KIAA1217: variants seen among roughly 807,000 people sequenced by gnomAD.
KIAA1217 encodes KIAA1217, also known as sickle tail protein homolog.
A neutral mutation model predicts 163.9 loss-of-function variants in KIAA1217; 88 were observed. The observed-to-expected ratio is 0.54, with a 90% CI of 0.45 to 0.64. The LOEUF (loss-of-function observed/expected upper bound fraction) is 0.64, where lower values mean the gene tolerates loss of function less well. Among genes scored for constraint, KIAA1217 ranks in the 30% least tolerant of loss-of-function variants. The pLI is 0.00. For synonymous variants in KIAA1217, 903 were observed against 923.1 expected, an observed-to-expected ratio of 0.98 and a Z score of 0.39; for missense variants, 2,372 against 2,475.0, an observed-to-expected ratio of 0.96 and a Z score of 0.88.
rs4402187 is a variant in KIAA1217, at chr10:24,501,563, C to A, written c.2001+18C>A. 4.4e-5 allele frequency: 71 copies of A among 1,604,018 alleles called. No homozygotes were observed. The highest frequency in any genetic ancestry group is 6.0e-5 in the Non-Finnish European group (70 of 1,175,426). ...AGCTCCAGGTATTCCTCATGCACGG[C>A]GGCCTCTGTCTCGGTTGCCCTGAGC... is the stretch of plus-strand genomic sequence containing the variant. On this transcript the variant is annotated intron_variant, in intron 9 of 20. Transcript: ENST00000376454.
chr10:24,499,309 A>G (rs1445937363), intron 8 of KIAA1217, among the ~76,000 whole-genome samples: 1 of 152,246 alleles, frequency 6.6e-6, no homozygotes, highest in Non-Finnish European at 1.5e-5. Flanking sequence ...TAGTTGGAGA[A>G]TATCCTTTTG....
chr10:23,894,981 A>T (rs140459811), intron 1 of KIAA1217, among the ~76,000 whole-genome samples: 6,132 of 152,294 alleles, frequency 0.04, 178 homozygotes, highest in Non-Finnish European at 0.062. Flanking sequence ...ACCTGATACA[A>T]AAATTAATTC....
chr10:23,708,661 C>T lies in KIAA1217; in HGVS notation c.-321+13427C>T, dbSNP rs1351378675. On this transcript the variant is annotated intron_variant, in intron 1 of 18. Transcript: ENST00000376462. The stretch of plus-strand genomic sequence containing the variant: ...CTGTGGTTGGAACAAGGTGAGTGAA[C>T]AGAAGATGGTGAGAAATGCAGTGGA... 2.6e-5 allele frequency among the ~76,000 whole-genome samples: 4 copies of T among 152,266 alleles called. No homozygotes were observed. In the East Asian group the frequency reaches 7.7e-4, roughly 29 times the overall value.
intron 2 of KIAA1217, among the ~76,000 whole-genome samples, chr10:24,151,869 A>G (rs989804340): frequency 6.6e-6 from 1 of 152,160 alleles, no homozygotes; most frequent in African/African-American, 2.4e-5. Flanking sequence ...AAGATCACAC[A>G]GCTGGTTAGT....
intron 1 of KIAA1217, among the ~76,000 whole-genome samples, chr10:23,989,618 A>C (rs1245193787): frequency 6.6e-6 from 1 of 152,186 alleles, no homozygotes; most frequent in Non-Finnish European, 1.5e-5. Context: ...CTTCGGATTA[A>C]AATACTCGAT....
intron 2 of KIAA1217, among the ~76,000 whole-genome samples, chr10:24,047,134 T>C (rs1405893104): frequency 1.3e-5 from 2 of 152,206 alleles, no homozygotes; most frequent in Non-Finnish European, 2.9e-5. Flanking sequence ...AATATTGAAA[T>C]AAATTAAAGG....
At chr10:24,185,444 G>A (rs987674339) in intron 2 of KIAA1217, among the ~76,000 whole-genome samples, 4 of 152,128 alleles carry the variant, frequency 2.6e-5, no homozygotes, top group Admixed American at 1.3e-4. Flanking sequence ...CCATACCCAT[G>A]ATTTTAAAAA....
intron 2 of KIAA1217, chr10:24,157,994 G>A (rs2064954916): frequency 1.3e-6 from 1 of 762,928 alleles, no homozygotes; most frequent in Non-Finnish European, 2.4e-6. Flanking sequence ...ATCAATTAGT[G>A]GCCCTTCAGT....
At chr10:24,525,159 G>A (rs2071935533) in intron 13 of KIAA1217, among the ~76,000 whole-genome samples, 1 of 152,168 alleles carries the variant, frequency 6.6e-6, no homozygotes, top group Non-Finnish European at 1.5e-5. Flanking sequence ...TCGCAACCAT[G>A]GCTGATTTCA....
intron 1 of KIAA1217, among the ~76,000 whole-genome samples, chr10:23,712,744 C>T (rs1837339603): frequency 6.6e-6 from 1 of 152,122 alleles, no homozygotes; most frequent in East Asian, 1.9e-4. Flanking sequence ...CTTTTTAATA[C>T]AGGATAAAGT....
chr10:24,434,533 C>T (rs940041264), intron 4 of KIAA1217, among the ~76,000 whole-genome samples: 1 of 152,152 alleles, frequency 6.6e-6, no homozygotes, highest in Non-Finnish European at 1.5e-5. Flanking sequence ...GACAGAATCT[C>T]CCTATGTTAC....
chr10:24,306,485 A>G (rs1156846015), intron 2 of KIAA1217, among the ~76,000 whole-genome samples: 1 of 152,158 alleles, frequency 6.6e-6, no homozygotes, highest in Non-Finnish European at 1.5e-5. Flanking sequence ...GAAATCCTGC[A>G]CTCATGAATT....
intron 6 of KIAA1217, among the ~76,000 whole-genome samples, chr10:24,479,026 C>A (rs569367952): frequency 6.6e-6 from 1 of 152,272 alleles, no homozygotes; most frequent in Admixed American, 6.5e-5. Context: ...CTACATTCGA[C>A]AAATTAGCAT....
At chr10:23,851,381 A>G (rs1839311947) in intron 1 of KIAA1217, among the ~76,000 whole-genome samples, 1 of 152,196 alleles carries the variant, frequency 6.6e-6, no homozygotes, top group Non-Finnish European at 1.5e-5. Flanking sequence ...CATGATGTAT[A>G]TGTGCCACAT....
At chr10:24,505,905 G>T (rs192065082) in intron 9 of KIAA1217, among the ~76,000 whole-genome samples, 1 of 152,162 alleles carries the variant, frequency 6.6e-6, no homozygotes, top group African/African-American at 2.4e-5. Context: ...ATGTGCCAGG[G>T]TCTCATTTAT....
At chr10:24,269,295 A>G (rs2076555468) in intron 2 of KIAA1217, among the ~76,000 whole-genome samples, 1 of 149,662 alleles carries the variant, frequency 6.7e-6, no homozygotes, top group Non-Finnish European at 1.5e-5. Flanking sequence ...GACCGAGGTG[A>G]GAAGATCACT....
intron 6 of KIAA1217, among the ~76,000 whole-genome samples, chr10:24,492,254 C>T (rs1386937034): frequency 2.0e-5 from 3 of 152,238 alleles, no homozygotes; most frequent in African/African-American, 4.8e-5. Flanking sequence ...ATAAGCTTGA[C>T]ATTGCTGATG....
intron 1 of KIAA1217, among the ~76,000 whole-genome samples, chr10:23,945,531 ATTGT>A (rs1843990706): frequency 6.6e-6 from 1 of 152,176 alleles, no homozygotes; most frequent in African/African-American, 2.4e-5. Context: ...TTCTGTTTCA[ATTGT>A]AGTGGCGGTT....
chr10:23,842,750 A>G (rs575747681), intron 1 of KIAA1217, among the ~76,000 whole-genome samples: 1 of 152,118 alleles, frequency 6.6e-6, no homozygotes, highest in East Asian at 1.9e-4. Flanking sequence ...CTCTGTTGAG[A>G]CTATTTTAGG....
Sources: gnomAD v4.1 joint callset for allele counts (sites outside exome capture counted in the v4.1 genomes callset) on GRCh38, gnomAD v4.1.1 for gene constraint, MANE v1.5 for transcripts, NCBI Gene and HGNC (gene_info 2026-07-23, HGNC 2026-07-21) for gene names.